The following AMH variants were observed in gnomAD, a reference collection of about 807,000 sequenced individuals.
AMH encodes the protein anti-Muellerian hormone.
A neutral mutation model predicts 33.3 loss-of-function variants in AMH; 39 were observed. The ratio of observed to expected loss-of-function variants is 1.17; its 90% CI spans 0.91 to 1.53. The LOEUF (loss-of-function observed/expected upper bound fraction) is 1.53. AMH is among the 40% of genes most tolerant of loss of function. AMH has a pLI of 0.00. For missense variants in AMH, 1,019 were observed against 799.8 expected (o/e 1.27, Z -3.30); for synonymous variants, 536 against 403.0 (o/e 1.33, Z -3.95).
rs112266378 is a variant in AMH at position 2,251,850 on chromosome 19, T to A, written c.1576T>A (p.Cys526Ser). 6.3e-7 allele frequency: 1 copy of A among 1,595,324 alleles called. No homozygotes were observed. Among genetic ancestry groups the A allele is most frequent in the South Asian group, 1.1e-5 (1 of 90,126 alleles). ...RGAALARPPCCVPTAYAGKLL... is the reference protein window; with the variant it reads ...RGAALARPPCSVPTAYAGKLL... ...GGCCGCCCTGGCGCGCCCACCCTGC[T>A]GCGTGCCCACCGCCTACGCGGGCAA... Residue 526 changes from cysteine to serine, a missense_variant, in exon 5 of 5, where the codon TGC becomes AGC. Cys to Ser is a moderately radical substitution (Grantham distance 112, BLOSUM62 -1). Coordinates refer to ENST00000221496, the MANE Select transcript of AMH (RefSeq NM_000479.5).
In AMH at chr19:2,251,715, G is replaced by C. The variant is rs2025049121; in HGVS notation, c.1441G>C (p.Glu481Gln). The C allele has an allele frequency of 1.2e-6, 2 of 1,611,642 alleles. No individual in the cohort carries two copies. The highest frequency in any genetic ancestry group is 1.7e-6 in the Non-Finnish European group (2 of 1,179,556). ...CGCCGAGCGCTCCGTACTCATCCCC[G>C]AGACCTACCAGGCCAACAATTGCCA... ...LRAERSVLIP[E>Q]TYQANNCQGV... The change falls in exon 5 of 5, where the codon GAG becomes CAG. Residue 481 changes from glutamate (E) to glutamine (Q), a missense_variant. Coordinates refer to ENST00000221496, the MANE Select transcript of AMH (RefSeq NM_000479.5).
intron 1 of AMH, 65 bp from the exon 2 acceptor site, chr19:2,250,272 T>G: frequency 1.3e-6 from 2 of 1,544,936 alleles, no homozygotes. Context: ...CAGGGACAGA[T>G]CCCAAAGATT....
chr19:2,250,549 G>A lies in AMH; in HGVS notation c.555+70G>A. On this transcript the variant is annotated intron_variant, in intron 2 of 4. Transcript: ENST00000221496. ...GCATGGATTTGTTGCAGGGTCTGCA[G>A]TACTGAGAACAGCGTAGAACCAGTG... 2.6e-6 allele frequency: 4 copies of A among 1,539,896 alleles called. No homozygotes were observed. The South Asian group carries it at 4.8e-5, about 18-fold the overall frequency.
Position 2,251,987 on chromosome 19 carries a change from G to A in AMH, c.*30G>A. ...TGCGCCGCGCGGACTCCTGCCCCGAGGGTCCGGACGCGCCCCAGCTCGCGC... is the reference window on the plus strand; with the variant it reads ...TGCGCCGCGCGGACTCCTGCCCCGAAGGTCCGGACGCGCCCCAGCTCGCGC... On this transcript the variant is annotated 3_prime_UTR_variant, in exon 5 of 5. Transcript: ENST00000221496. 1 of 1,532,092 alleles carries A rather than the reference G, an allele frequency of 6.5e-7. No individual in the cohort carries two copies. Among genetic ancestry groups the A allele is most frequent in the Non-Finnish European group, 8.7e-7 (1 of 1,145,432 alleles). The allele number at this position is 1,532,092 out of a possible 1,614,324, so 94.9% of individuals were successfully genotyped here. A position where few individuals can be genotyped will look rare whatever the true frequency, so the allele number is the denominator to read the frequency against.
In AMH at chr19:2,251,827, C is replaced by G; in HGVS notation, c.1553C>G (p.Ala518Gly). The change falls in exon 5 of 5, where the codon GCC becomes GGC. Residue 518 changes from alanine to glycine, a missense_variant. Physicochemically the swap from Ala to Gly is moderately conservative, Grantham distance 60. Coordinates refer to ENST00000221496, the MANE Select transcript of AMH (RefSeq NM_000479.5). ...VLLLKMQVRG[A>G]ALARPPCCVP... ...CTGCTGAAGATGCAGGTCCGTGGGG[C>G]CGCCCTGGCGCGCCCACCCTGCTGC... is the stretch of plus-strand genomic sequence containing the variant. 6.2e-7 allele frequency: 1 copy of G among 1,602,072 alleles called. No homozygotes were observed. The highest frequency in any genetic ancestry group is 8.5e-7 in the Non-Finnish European group (1 of 1,178,298).
In AMH at chr19:2,250,233, TGAG is replaced by T. The variant is rs1236130627; in HGVS notation, c.413-102_413-100del. ...AAGAGGGGCACCCTTGTCCCCCGCT[TGAG>T]GTCCCCTGCACAGTGGCCAGAGCGG... On this transcript the variant is annotated intron_variant, in intron 1 of 4. Coordinates refer to ENST00000221496, the MANE Select transcript of AMH (RefSeq NM_000479.5). 100 of 1,517,134 alleles carry T rather than the reference TGAG, an allele frequency of 6.6e-5. No homozygotes were observed. In the East Asian group the frequency reaches 2.4e-3, roughly 36 times the overall value. 94.0% of individuals were successfully genotyped at this position (1,517,134 alleles called of 1,614,324 possible). A position where few individuals can be genotyped will look rare whatever the true frequency, so the allele number is the denominator to read the frequency against.
chr19:2,251,117 G>A lies in AMH; in HGVS notation c.843G>A (p.Glu281=). The A allele has an allele frequency of 6.5e-7, 1 of 1,542,594 alleles. No homozygotes were observed. The highest frequency in any genetic ancestry group is 8.7e-7 in the Non-Finnish European group (1 of 1,151,410). ...FPPPRPSAEL[E]ESPPSADPFL... The stretch of plus-strand genomic sequence containing the variant: ...GTTCCAGGCCATCCGCGGAACTCGA[G>A]GAGTCGCCACCCAGCGCAGACCCCT... The change falls in exon 5 of 5, where the codon GAG becomes GAA. Residue 281 remains glutamate (E), a synonymous_variant. Coordinates refer to ENST00000221496, the MANE Select transcript of AMH (RefSeq NM_000479.5).
At chr19:2,250,132 C>G (rs1316008214) in intron 1 of AMH, 1 of 823,064 alleles carries the variant, frequency 1.2e-6, no homozygotes. Context: ...CCCAGGGCGG[C>G]AGCCCCACCC....
chr19:2,250,189 T>C, intron 1 of AMH, 148 bp from the exon 2 acceptor site: 1 of 1,343,632 alleles, frequency 7.4e-7, no homozygotes, highest in South Asian at 1.3e-5. Context: ...CACCGCTCCC[T>C]GGCTGCAGGA....
At position 2,250,357 on chromosome 19, in the gene AMH, T is replaced by C; in HGVS notation, c.433T>C (p.Ser145Pro). 35 of 1,597,804 alleles carry C rather than the reference T, an allele frequency of 2.2e-5. No homozygotes were observed. The highest frequency in any genetic ancestry group is 2.9e-5 in the Non-Finnish European group (34 of 1,174,950). The stretch of plus-strand genomic sequence containing the variant: ...TGCAGTGACCTGGGAGCCAACACCC[T>C]CGCTGAGGTTCCAGGAGCCCCCGCC... ...LEEVTWEPTP[S>P]LRFQEPPPGG... Residue 145 changes from serine to proline, a missense_variant, in exon 2 of 5, where the codon TCG becomes CCG. Transcript: ENST00000221496.
Position 2,251,786 on chromosome 19 carries a change from C to G in AMH, c.1512C>G (p.Gly504=), listed in dbSNP as rs771217153. Residue 504 remains glycine (G), a synonymous_variant, in exon 5 of 5, where the codon GGC becomes GGG. Coordinates refer to ENST00000221496, the MANE Select transcript of AMH (RefSeq NM_000479.5). ...WPQSDRNPRY[G]NHVVLLLKMQ... is the part of the protein sequence containing the mutation. ...AGTCCGACCGCAACCCGCGCTACGG[C>G]AACCACGTGGTGCTGCTGCTGAAGA... The G allele has an allele frequency of 6.2e-7, 1 of 1,610,162 alleles. No individual in the cohort carries two copies. The highest frequency in any genetic ancestry group is 1.7e-5 in the Admixed American group (1 of 59,986).
chr19:2,250,125 A>G, intron 1 of AMH: 3 of 774,370 alleles, frequency 3.9e-6, no homozygotes, highest in Non-Finnish European at 4.2e-6. Context: ...CAGAGACCCC[A>G]GGGCGGCAGC....
In AMH at chr19:2,251,780, C is replaced by T. The variant is rs932657870; in HGVS notation, c.1506C>T (p.Arg502=). 1 of 1,610,574 alleles carries T rather than the reference C, an allele frequency of 6.2e-7. No individual in the cohort carries two copies. Among genetic ancestry groups the T allele is most frequent in the East Asian group, 2.2e-5 (1 of 44,852 alleles). ...GGCCTCAGTCCGACCGCAACCCGCG[C>T]TACGGCAACCACGTGGTGCTGCTGC... ...CGWPQSDRNP[R]YGNHVVLLLK... The change falls in exon 5 of 5, where the codon CGC becomes CGT. Residue 502 remains arginine, a synonymous_variant. Coordinates refer to ENST00000221496, the MANE Select transcript of AMH (RefSeq NM_000479.5).
chr19:2,251,722 A>G lies in AMH; in HGVS notation c.1448A>G (p.Tyr483Cys). 7 of 1,611,682 alleles carry G rather than the reference A, an allele frequency of 4.3e-6. No individual in the cohort carries two copies. Among genetic ancestry groups the G allele is most frequent in the Non-Finnish European group, 5.9e-6 (7 of 1,179,544 alleles). Residue 483 changes from tyrosine (Y) to cysteine (C), a missense_variant, in exon 5 of 5, where the codon TAC becomes TGC. By Grantham distance (194) the Tyr-to-Cys change is radical. Coordinates refer to ENST00000221496, the MANE Select transcript of AMH (RefSeq NM_000479.5). The stretch of plus-strand genomic sequence containing the variant: ...CGCTCCGTACTCATCCCCGAGACCT[A>G]CCAGGCCAACAATTGCCAGGGCGTG... ...AERSVLIPET[Y>C]QANNCQGVCG... is the part of the protein sequence containing the mutation.
chr19:2,251,397 C>T lies in AMH; in HGVS notation c.1123C>T (p.Leu375=). The change falls in exon 5 of 5, where the codon CTG becomes TTG. Residue 375 remains leucine (L), a synonymous_variant. Coordinates refer to ENST00000221496, the MANE Select transcript of AMH (RefSeq NM_000479.5). ...DPTSAPWATA[L]ARRVAAELQA... ...CACGTCGGCGCCGTGGGCCACGGCC[C>T]TGGCGCGCCGCGTGGCTGCTGAACT... The T allele has an allele frequency of 2.8e-6, 4 of 1,454,070 alleles. No individual in the cohort carries two copies. Among genetic ancestry groups the T allele is most frequent in the Non-Finnish European group, 3.6e-6 (4 of 1,109,914 alleles). 90.1% of individuals were successfully genotyped at this position (1,454,070 alleles called of 1,614,324 possible).
intron 3 of AMH, 41 bp downstream of exon 3, chr19:2,250,801 C>A (rs773388270): frequency 3.9e-5 from 60 of 1,537,088 alleles, no homozygotes; most frequent in Admixed American, 1.9e-4. Context: ...GGGTCGACTG[C>A]CCCCGGGCCC....
chr19:2,251,475 G>A lies in AMH; in HGVS notation c.1201G>A (p.Ala401Thr). The A allele has an allele frequency of 7.2e-7, 1 of 1,396,582 alleles. No homozygotes were observed. Among genetic ancestry groups the A allele is most frequent in the South Asian group, 1.5e-5 (1 of 64,870 alleles). The allele number at this position is 1,396,582 out of a possible 1,614,324, so 86.5% of individuals were successfully genotyped here. Residue 401 changes from alanine to threonine, a missense_variant, in exon 5 of 5, where the codon GCC (alanine) becomes ACC (threonine). By Grantham distance (58) the Ala-to-Thr change is moderately conservative. Transcript: ENST00000221496. ...CCTCCCGGGTCTGCCTCCGGCCACAGCCCCGCTGCTGGCGCGCCTGCTCGC... is the reference window on the plus strand; with the variant it reads ...CCTCCCGGGTCTGCCTCCGGCCACAACCCCGCTGCTGGCGCGCCTGCTCGC... The part of the protein sequence containing the change: ...RSLPGLPPAT[A>T]PLLARLLALC...
rs960479195 is a variant in AMH at position 2,249,421 on chromosome 19, C to T, written c.89C>T (p.Pro30Leu). The T allele has an allele frequency of 1.9e-6, 3 of 1,598,234 alleles. No homozygotes were observed. The highest frequency in any genetic ancestry group is 8.5e-7 in the Non-Finnish European group (1 of 1,173,218). The change falls in exon 1 of 5, where the codon CCA becomes CTA. Residue 30 changes from proline to leucine, a missense_variant. Pro to Leu is a moderately conservative substitution (Grantham distance 98, BLOSUM62 -3). Transcript: ENST00000221496. ...ACTGAGGCCCTCAGAGCAGAGGAGC[C>T]AGCTGTGGGCACCAGTGGCCTCATC... The part of the protein sequence containing the change: ...LGTEALRAEE[P>L]AVGTSGLIFR...
Position 2,251,953 on chromosome 19 carries a change from G to C in AMH, c.1679G>C (p.Arg560Pro). ...ATGGTGGCCACCGAGTGTGGCTGCCGGTGACCCCTGCGCCGCGCGGACTCC... is the reference window on the plus strand; with the variant it reads ...ATGGTGGCCACCGAGTGTGGCTGCCCGTGACCCCTGCGCCGCGCGGACTCC... The part of the protein sequence containing the change: ...PNMVATECGC[R>P] Residue 560 changes from arginine to proline, a missense_variant, in exon 5 of 5, where the codon CGG (arginine) becomes CCG (proline). Coordinates refer to ENST00000221496, the MANE Select transcript of AMH (RefSeq NM_000479.5). The C allele has an allele frequency of 6.5e-7, 1 of 1,544,264 alleles. No individual in the cohort carries two copies. The highest frequency in any genetic ancestry group is 1.2e-5 in the South Asian group (1 of 85,180).
Sources: allele counts gnomAD v4.1 joint callset, GRCh38; gene constraint gnomAD v4.1.1; transcripts MANE v1.5; gene names NCBI Gene and HGNC (gene_info 2026-07-23, HGNC 2026-07-21).